The following GOLGA6L22 variants were observed in gnomAD, a reference collection of about 807,000 sequenced individuals.
GOLGA6L22 encodes golgin A6 family like 22.
Under a neutral mutation model 77.1 loss-of-function variants are expected in GOLGA6L22, and 28 were observed. The observed-to-expected ratio is 0.36, with a 90% CI of 0.27 to 0.50. The LOEUF is 0.50. GOLGA6L22 is among the 20% of genes least tolerant of loss of function. The pLI is 0.97. For synonymous variants in GOLGA6L22, 62 were observed against 185.3 expected (o/e 0.33, Z 5.41); for missense variants, 250 against 620.4 (o/e 0.40, Z 6.34).
chr15:22,464,773 A>G lies in GOLGA6L22; in HGVS notation c.634-253A>G, dbSNP rs1434362938. Among the ~76,000 whole-genome samples, 26 of 127,856 alleles carry G rather than the reference A, an allele frequency of 2.0e-4. 5 individuals carry two copies. Among genetic ancestry groups the G allele is most frequent in the African/African-American group, 8.6e-4 (25 of 29,220 alleles). The allele number at this position is 127,856 out of a possible 152,430, so 83.9% of individuals were successfully genotyped here. On this transcript the variant is annotated intron_variant, in intron 7 of 8. Transcript: ENST00000622895. The stretch of plus-strand genomic sequence containing the variant: ...CGCCATTCTCCTGCCTCAGCCTCCC[A>G]AGTAGCTGGGACTACAGGTGCCCAC...
Position 22,466,427 on chromosome 15 carries a change from G to A in GOLGA6L22, c.2035G>A (p.Glu679Lys), listed in dbSNP as rs753149444. 50 of 1,295,706 alleles carry A rather than the reference G, an allele frequency of 3.9e-5. 4 individuals carry two copies. The highest frequency in any genetic ancestry group is 4.6e-5 in the Non-Finnish European group (44 of 955,578). 80.3% of individuals were successfully genotyped at this position (1,295,706 alleles called of 1,614,324 possible). ...GGAAGAGAAGATGCAAGAACAGGAGGAGAAGATGCGGAGGCAGGAGGAGAA... is the reference window on the plus strand; with the variant it reads ...GGAAGAGAAGATGCAAGAACAGGAGAAGAAGATGCGGAGGCAGGAGGAGAA... Residue 679 changes from glutamate (E) to lysine (K), a missense_variant, in exon 8 of 9, where the codon GAG (glutamate) becomes AAG (lysine). By Grantham distance (56) the Glu-to-Lys change is moderately conservative (BLOSUM62 1). Coordinates refer to ENST00000622895, the Ensembl canonical transcript of GOLGA6L22.
exon 9 of GOLGA6L22, chr15:22,469,063 G>A (rs1887783001): frequency 7.8e-6 from 1 of 128,790 alleles, no homozygotes; most frequent in Non-Finnish European, 1.6e-5. Context: ...CATTGGTACT[G>A]GATTCTGGCC....
chr15:22,466,365 A>G, exon 8 of GOLGA6L22: 3 of 1,392,426 alleles, frequency 2.2e-6, no homozygotes, highest in Non-Finnish European at 2.9e-6. Context: ...GAACAGGAAG[A>G]GAAGATGGGG....
At chr15:22,462,230 C>T in exon 4 of GOLGA6L22, 1 of 910,908 alleles carries the variant, frequency 1.1e-6, no homozygotes, top group East Asian at 2.7e-5. Context: ...TCAGATGGCA[C>T]TCTACTACAG....
Position 22,461,932 on chromosome 15 carries a change from G to A in GOLGA6L22, c.181-102G>A, listed in dbSNP as rs1298719184. On this transcript the variant is annotated intron_variant, in intron 2 of 8. Transcript: ENST00000622895. ...AGGGTCCCTGATAAACTGGTCCCAT[G>A]GGTGGGCCTGTTCTGGGACAGTGGT... The A allele has an allele frequency of 5.9e-6, 7 of 1,187,506 alleles. No homozygotes were observed. The African/African-American group carries it at 8.6e-5, about 15-fold the overall frequency. The allele number at this position is 1,187,506 out of a possible 1,614,324, so 73.6% of individuals were successfully genotyped here. A position where few individuals can be genotyped will look rare whatever the true frequency, so the allele number is the denominator to read the frequency against.
chr15:22,466,384 G>A lies in GOLGA6L22; in HGVS notation c.1992G>A (p.Glu664=), dbSNP rs757594955. 4.7e-5 allele frequency: 67 copies of A among 1,415,538 alleles called. 7 individuals are homozygous for A. Among genetic ancestry groups the A allele is most frequent in the Admixed American group, 4.2e-4 (19 of 44,798 alleles). 87.7% of individuals were successfully genotyped at this position (1,415,538 alleles called of 1,614,324 possible). ...AGGAAGAGAAGATGGGGGAGCAGGAGGAGAAGATTTGGGAGCAGGAAGAGA... is the reference window on the plus strand; with the variant it reads ...AGGAAGAGAAGATGGGGGAGCAGGAAGAGAAGATTTGGGAGCAGGAAGAGA... Residue 664 remains glutamate (E), a synonymous_variant, in exon 8 of 9, where the codon GAG becomes GAA. Transcript: ENST00000622895.
At chr15:22,463,754 G>A in intron 5 of GOLGA6L22, 87 bp from the exon 6 acceptor site, 2 of 536,820 alleles carry the variant, frequency 3.7e-6, no homozygotes, top group Non-Finnish European at 6.5e-6. Flanking sequence ...AAGTGTTACT[G>A]TGGAGTAGTC....
chr15:22,466,190 G>A (rs1340450592), exon 8 of GOLGA6L22: 1 of 664,914 alleles, frequency 1.5e-6, no homozygotes, highest in Admixed American at 2.5e-5. Flanking sequence ...GAAGATGGGG[G>A]AGCAGGAAGA....
At chr15:22,465,797 C>G (rs185395794) in exon 8 of GOLGA6L22, 1 of 1,318,370 alleles carries the variant, frequency 7.6e-7, no homozygotes, top group Non-Finnish European at 9.8e-7. Flanking sequence ...GGAGAAGAAA[C>G]GGGAGCAGGA....
chr15:22,463,682 A>G (rs1484888360), intron 5 of GOLGA6L22, among the ~76,000 whole-genome samples, 159 bp from the exon 6 acceptor site: 2,291 of 130,554 alleles, frequency 0.018, 128 homozygotes, highest in African/African-American at 0.068. Context: ...AGAAAGAAAA[A>G]CAAATGAGAC....
rs1431372221 is a variant in GOLGA6L22, at chr15:22,466,349, A to G, written c.1957A>G (p.Met653Val). 4 of 1,339,846 alleles carry G rather than the reference A, an allele frequency of 3.0e-6. No individual in the cohort carries two copies. The Admixed American group carries it at 8.9e-5, about 30-fold the overall frequency. 83.0% of individuals were successfully genotyped at this position (1,339,846 alleles called of 1,614,324 possible). ...GAAGATACGAGAGCAGGAGGAGATG[A>G]TGCAGGAACAGGAAGAGAAGATGGG... The change falls in exon 8 of 9, where the codon ATG becomes GTG. Residue 653 changes from methionine (M) to valine (V), a missense_variant. Coordinates refer to ENST00000622895, the Ensembl canonical transcript of GOLGA6L22.
exon 8 of GOLGA6L22, chr15:22,465,862 G>C: frequency 1.4e-6 from 2 of 1,385,594 alleles, no homozygotes; most frequent in East Asian, 5.5e-5. Context: ...AGAAGATACG[G>C]GAGCAGGAGG....
rs1887539942 is a variant in GOLGA6L22 at position 22,461,924 on chromosome 15, G to A, written c.181-110G>A. On this transcript the variant is annotated intron_variant, in intron 2 of 8. Transcript: ENST00000622895. ...ATCCCCACAGGGTCCCTGATAAACTGGTCCCATGGGTGGGCCTGTTCTGGG... is the reference window on the plus strand; with the variant it reads ...ATCCCCACAGGGTCCCTGATAAACTAGTCCCATGGGTGGGCCTGTTCTGGG... 2 of 1,068,994 alleles carry A rather than the reference G, an allele frequency of 1.9e-6. 1 individual carries two copies. The highest frequency in any genetic ancestry group is 4.5e-5 in the African/African-American group (2 of 44,782). The allele number at this position is 1,068,994 out of a possible 1,614,324, so 66.2% of individuals were successfully genotyped here.
At chr15:22,463,211 C>T (rs1336261303) in intron 5 of GOLGA6L22, among the ~76,000 whole-genome samples, 3 of 147,002 alleles carry the variant, frequency 2.0e-5, no homozygotes, top group African/African-American at 5.2e-5. Context: ...AGCATAGTGC[C>T]TGGTGAAGCA....
chr15:22,466,274 CAGA>C, exon 8 of GOLGA6L22: 2 of 1,063,126 alleles, frequency 1.9e-6, no homozygotes, highest in South Asian at 2.9e-5. Flanking sequence ...GATACGGGAG[CAGA>C]AGGAGAAGAT....
chr15:22,461,033 AG>A, intron 2 of GOLGA6L22, 85 bp downstream of exon 2: 5 of 976,302 alleles, frequency 5.1e-6, no homozygotes, highest in South Asian at 1.6e-5. Context: ...AAGAACTGCC[AG>A]GTACTGGCTA....
At chr15:22,466,480 GGAGCAGGAGGAGAAGATACGA>G (rs1366326391) in exon 8 of GOLGA6L22, 14 of 668,074 alleles carry the variant, frequency 2.1e-5, no homozygotes, top group African/African-American at 1.5e-4. Flanking sequence ...AGAAGATACG[GGAGCAGGAGGAGAAGATACGA>G]GAGCAGGAGG....
rs1464172378 is a variant in GOLGA6L22 at position 22,464,750 on chromosome 15, C to T, written c.634-276C>T. Among the ~76,000 whole-genome samples, 3 of 130,630 alleles carry T rather than the reference C, an allele frequency of 2.3e-5. 1 individual carries two copies. The Admixed American group carries it at 2.3e-4, about 10-fold the overall frequency. The allele number at this position is 130,630 out of a possible 152,430, so 85.7% of individuals were successfully genotyped here. A position where few individuals can be genotyped will look rare whatever the true frequency, so the allele number is the denominator to read the frequency against. On this transcript the variant is annotated intron_variant, in intron 7 of 8. Transcript: ENST00000622895. ...TGCAAGCTCCAACCCCGGCTTCACGCCATTCTCCTGCCTCAGCCTCCCAAG... is the reference window on the plus strand; with the variant it reads ...TGCAAGCTCCAACCCCGGCTTCACGTCATTCTCCTGCCTCAGCCTCCCAAG...
rs753158603 is a variant in GOLGA6L22, at chr15:22,466,605, G to C, written c.2213G>C (p.Arg738Thr). 2.5e-5 allele frequency: 16 copies of C among 635,920 alleles called. No individual in the cohort carries two copies. The South Asian group carries it at 2.7e-4, about 11-fold the overall frequency. The allele number at this position is 635,920 out of a possible 1,614,324, so 39.4% of individuals were successfully genotyped here. ...ATGCGGAGGCAGGAGGAGAAGATAA[G>C]GGAGCAGGAGAAGAAGATACGGGAG... The change falls in exon 8 of 9, where the codon AGG (arginine) becomes ACG (threonine). Residue 738 changes from arginine (R) to threonine (T), a missense_variant. Transcript: ENST00000622895.
Sources: gnomAD v4.1 joint callset for allele counts (sites outside exome capture counted in the v4.1 genomes callset) on GRCh38, gnomAD v4.1.1 for gene constraint, MANE v1.5 for transcripts, NCBI Gene and HGNC (gene_info 2026-07-23, HGNC 2026-07-21) for gene names.